The following KCNIP2 variants were observed in gnomAD, a reference collection of about 807,000 sequenced individuals.
KCNIP2 encodes the protein A-type potassium channel modulatory protein KCNIP2.
In KCNIP2, 19 loss-of-function variants were observed where a neutral mutation model predicts 39.0. The ratio of observed to expected loss-of-function variants is 0.49; its 90% confidence interval spans 0.34 to 0.71. The LOEUF is 0.71. Among genes scored for constraint, KCNIP2 ranks in the 30% least tolerant of loss-of-function variants. KCNIP2 has a pLI of 0.01. For missense variants in KCNIP2, 261 were observed against 346.0 expected (o/e 0.75, Z 1.95); for synonymous variants, 111 against 131.2 (o/e 0.85, Z 1.05).
chr10:101,829,424 A>T, intron 3 of KCNIP2: 1 of 551,860 alleles, frequency 1.8e-6, no homozygotes, highest in Non-Finnish European at 3.0e-6. Flanking sequence ...CCCCAGAGCC[A>T]GGGATCCGAC....
At position 101,828,476 on chromosome 10, in the gene KCNIP2, G is replaced by T; in HGVS notation, c.419-17C>A. The T allele has an allele frequency of 1.2e-6, 2 of 1,613,616 alleles. No individual in the cohort carries two copies. Among genetic ancestry groups the T allele is most frequent in the South Asian group, 2.2e-5 (2 of 90,898 alleles). ...TGCTGGAGTCTGCAGGGTGAGTGTGGAGAAGTTGGCTTCCACACAGGAGAG... is the reference window on the plus strand; with the variant it reads ...TGCTGGAGTCTGCAGGGTGAGTGTGTAGAAGTTGGCTTCCACACAGGAGAG... On this transcript the variant is annotated splice_polypyrimidine_tract_variant and intron_variant, in intron 5 of 9. Coordinates refer to ENST00000356640, the MANE Select transcript of KCNIP2 (RefSeq NM_173191.3). This position sits in a 1 kb window ranked among gnomAD's most constrained non-coding sequence, Gnocchi z 6.6.
Position 101,827,901 on chromosome 10 carries a change from C to T in KCNIP2, c.690G>A (p.Glu230=). Residue 230 remains glutamate, a synonymous_variant, in exon 8 of 10, where the codon GAG becomes GAA. Coordinates refer to ENST00000356640, the MANE Select transcript of KCNIP2 (RefSeq NM_173191.3). Reference sequence around the variant, plus strand: ...CACTCCCAAGTACCTGGAAGAAGCTCTCCACGTGTTCCCTTGGGGCCTCCT... The same window carrying T: ...CACTCCCAAGTACCTGGAAGAAGCTTTCCACGTGTTCCCTTGGGGCCTCCT... The part of the protein sequence containing the change: ...LREEAPREHV[E]SFFQKMDRNK... 6.2e-7 allele frequency: 1 copy of T among 1,613,464 alleles called. No homozygotes were observed. The highest frequency in any genetic ancestry group is 8.5e-7 in the Non-Finnish European group (1 of 1,179,362).
chr10:101,832,295 ACTGTGTGTGT>A (rs1158435250), intron 1 of KCNIP2, among the ~76,000 whole-genome samples: 1 of 98,664 alleles, frequency 1.0e-5, no homozygotes, highest in Non-Finnish European at 2.1e-5. Flanking sequence ...CCTCAGTGTT[ACTGTGTGTGT>A]GTGTGTGTGT....
chr10:101,830,553 C>A, intron 2 of KCNIP2: 1 of 915,198 alleles, frequency 1.1e-6, no homozygotes, highest in Non-Finnish European at 1.5e-6. Context: ...TTTGCGGGAG[C>A]GGTGACACAC....
Position 101,829,158 on chromosome 10 carries a change from G to T in KCNIP2, c.265C>A (p.Arg89=). ...TGCAGCTGCTCCAGACCCTCAGGCC[G>T]GTGACACACGGTGGACAATTCAAAT... ...DEFELSTVCH[R]PEGLEQLQEQ... is the part of the protein sequence containing the mutation. The change falls in exon 4 of 10, where the codon CGG becomes AGG. Residue 89 remains arginine, a synonymous_variant. Transcript: ENST00000356640. 1.2e-6 allele frequency: 2 copies of T among 1,614,088 alleles called. No homozygotes were observed. Among genetic ancestry groups the T allele is most frequent in the African/African-American group, 2.7e-5 (2 of 75,062 alleles).
chr10:101,829,780 C>T (rs2065899737), intron 3 of KCNIP2, 64 bp downstream of exon 3: 1 of 286,066 alleles, frequency 3.5e-6, no homozygotes. Context: ...CAGGCAAGTG[C>T]CCCCCACCCC....
chr10:101,842,310 AG>A (rs1243156983), intron 1 of KCNIP2, among the ~76,000 whole-genome samples: 1 of 152,252 alleles, frequency 6.6e-6, no homozygotes, highest in Non-Finnish European at 1.5e-5. Context: ...TACCAAACCC[AG>A]GAACATGCAC....
rs72552059 is a variant in KCNIP2, at chr10:101,831,165, G to A, written c.76C>T (p.His26Tyr). The A allele has an allele frequency of 1.7e-5, 27 of 1,601,724 alleles. No homozygotes were observed. The highest frequency in any genetic ancestry group is 2.3e-5 in the Non-Finnish European group (27 of 1,174,382). Reference protein sequence around the residue: ...LDGSYDQLTGHPPGPTKKALK... With the variant: ...LDGSYDQLTGYPPGPTKKALK... ...GCTTTTTTAGTGGGCCCTGGAGGGT[G>A]GCCTGGGAAGAGAGAAGACCCCAGG... The change falls in exon 2 of 10, where the codon CAC (histidine) becomes TAC (tyrosine). Residue 26 changes from histidine (H) to tyrosine (Y), a missense_variant and splice_region_variant. Physicochemically the swap from His to Tyr is moderately conservative, Grantham distance 83. Coordinates refer to ENST00000356640, the MANE Select transcript of KCNIP2 (RefSeq NM_173191.3).
intron 3 of KCNIP2, 126 bp downstream of exon 3, chr10:101,829,695 CAGCTCAGCCAACCTCCATCCAGA>C: frequency 2.0e-6 from 1 of 490,664 alleles, no homozygotes; most frequent in Non-Finnish European, 3.5e-6. Context: ...ATGCCCCGCC[CAGCTCAGCCAACCTCCATCCAGA>C]CCCCACCCCC....
At chr10:101,834,441 C>T (rs1010015021) in intron 1 of KCNIP2, 2 of 398,780 alleles carry the variant, frequency 5.0e-6, no homozygotes, top group African/African-American at 4.1e-5. Flanking sequence ...CACCACCTCC[C>T]CCTCAGACTC....
intron 1 of KCNIP2, chr10:101,839,851 C>T (rs777775133): frequency 2.5e-6 from 4 of 1,588,596 alleles, no homozygotes; most frequent in Admixed American, 1.7e-5. Context: ...GGTTTGGCGG[C>T]GAGCTCGGCG....
chr10:101,839,015 CA>C (rs1477586708), intron 1 of KCNIP2, among the ~76,000 whole-genome samples: 1 of 152,206 alleles, frequency 6.6e-6, no homozygotes, highest in East Asian at 1.9e-4. Context: ...CACCAAGGTA[CA>C]ACCTCACGAA....
intron 1 of KCNIP2, among the ~76,000 whole-genome samples, chr10:101,836,278 T>C (rs2066158399): frequency 6.8e-6 from 1 of 146,594 alleles, no homozygotes; most frequent in Admixed American, 6.7e-5. Flanking sequence ...TTTTCTCTTT[T>C]TTTTTTTTTT....
chr10:101,833,582 C>T (rs1274796009), intron 1 of KCNIP2, among the ~76,000 whole-genome samples: 2 of 152,132 alleles, frequency 1.3e-5, no homozygotes, highest in East Asian at 1.9e-4. Flanking sequence ...GCCACATGCA[C>T]AACCTGATAC....
Position 101,828,514 on chromosome 10 carries a change from C to T in KCNIP2, c.419-55G>A. 6.2e-7 allele frequency: 1 copy of T among 1,603,672 alleles called. No individual in the cohort carries two copies. The highest frequency in any genetic ancestry group is 2.2e-5 in the East Asian group (1 of 44,724). Reference sequence around the variant, plus strand: ...CCACACAGGAGAGGACTTCCTCCCTCTAAGGAGCTCCCCATACCCCCCATC... The same window carrying T: ...CCACACAGGAGAGGACTTCCTCCCTTTAAGGAGCTCCCCATACCCCCCATC... On this transcript the variant is annotated intron_variant, in intron 5 of 9. Coordinates refer to ENST00000356640, the MANE Select transcript of KCNIP2 (RefSeq NM_173191.3). This position sits in a 1 kb window ranked among gnomAD's most constrained non-coding sequence, Gnocchi z 6.6.
chr10:101,840,545 C>T (rs1564674889), intron 1 of KCNIP2, among the ~76,000 whole-genome samples: 1 of 27,814 alleles, frequency 3.6e-5, no homozygotes, highest in South Asian at 1.8e-3. Context: ...AAGAGCCCCC[C>T]CCGCACCCCC....
intron 1 of KCNIP2, among the ~76,000 whole-genome samples, chr10:101,842,470 G>A (rs1028779929): frequency 6.6e-6 from 1 of 152,254 alleles, no homozygotes; most frequent in Non-Finnish European, 1.5e-5. Context: ...GAAGGAAGAG[G>A]ATGTGTTTTC....
intron 2 of KCNIP2, chr10:101,830,391 A>C: frequency 7.8e-7 from 1 of 1,283,286 alleles, no homozygotes; most frequent in Non-Finnish European, 1.0e-6. Flanking sequence ...ACGGTGGGGA[A>C]GGGGGCGGCC....
Position 101,829,128 on chromosome 10 carries a change from G to A in KCNIP2, c.295C>T (p.Gln99Ter), listed in dbSNP as rs746309023. 6.2e-7 allele frequency: 1 copy of A among 1,614,196 alleles called. No homozygotes were observed. Among genetic ancestry groups the A allele is most frequent in the Admixed American group, 1.7e-5 (1 of 60,030 alleles). Reference sequence around the variant, plus strand: ...AACTCCTTGCGCGTGAATTTGGTTTGCTCCTGCAGCTGCTCCAGACCCTCA... The same window carrying A: ...AACTCCTTGCGCGTGAATTTGGTTTACTCCTGCAGCTGCTCCAGACCCTCA... ...RPEGLEQLQE[Q>*]TKFTRKELQV... is the part of the protein sequence containing the mutation. Residue 99 changes from glutamine to a stop codon, truncating the protein, a stop_gained, in exon 4 of 10, where the codon CAA (glutamine) becomes TAA (stop). Transcript: ENST00000356640. LOFTEE classifies it high-confidence loss of function.
Sources: gnomAD v4.1 joint callset for allele counts (sites outside exome capture counted in the v4.1 genomes callset) on GRCh38, gnomAD v4.1.1 for gene constraint, Gnocchi (gnomAD v3.1) non-coding constraint, MANE v1.5 for transcripts, NCBI Gene and HGNC (gene_info 2026-07-23, HGNC 2026-07-21) for gene names.